The following FAM149A variants were observed in gnomAD, a reference collection of about 807,000 sequenced individuals.
FAM149A encodes the protein family with sequence similarity 149 member A, also known as protein FAM149A.
A neutral mutation model predicts 78.2 loss-of-function variants in FAM149A; 71 were observed. The ratio of observed to expected loss-of-function variants is 0.91; its 90% CI spans 0.75 to 1.11. The LOEUF is 1.11. Ranked by LOEUF, FAM149A falls within the 50% of genes least tolerant of loss-of-function variation. The probability of loss-of-function intolerance (pLI) is 0.00; values close to 1 mark genes in which losing one functional copy is unlikely to be tolerated. For missense variants in FAM149A, 1,036 were observed against 971.0 expected, an observed-to-expected ratio of 1.07 and a Z score of -0.89; for synonymous variants, 446 against 410.5, an observed-to-expected ratio of 1.09 and a Z score of -1.04.
At chr4:186,126,527 C>T (rs1162874872) in intron 1 of FAM149A, among the ~76,000 whole-genome samples, 1 of 152,162 alleles carries the variant, frequency 6.6e-6, no homozygotes, top group Admixed American at 6.5e-5. Flanking sequence ...AGAGGAAGGG[C>T]GAATTCTCTT....
At chr4:186,131,983 T>G in intron 1 of FAM149A, 1 of 985,470 alleles carries the variant, frequency 1.0e-6, no homozygotes. Context: ...TTGTATTTCT[T>G]TTTGAATGGG....
chr4:186,158,696 CTGCAGACTGCTCTGAAGG>C (rs1734274093), intron 8 of FAM149A: 2 of 989,916 alleles, frequency 2.0e-6, no homozygotes, highest in Non-Finnish European at 1.2e-6. Flanking sequence ...CAGCCTGAGG[CTGCAGACTGCTCTGAAGG>C]TGCAGGTACC....
At chr4:186,138,588 C>T (rs751899286) in intron 1 of FAM149A, among the ~76,000 whole-genome samples, 15 of 152,104 alleles carry the variant, frequency 9.9e-5, no homozygotes, top group African/African-American at 3.1e-4. Flanking sequence ...TCCTCTGATC[C>T]GAGACAGTTT....
chr4:186,124,091 G>C, intron 1 of FAM149A: 1 of 984,628 alleles, frequency 1.0e-6, no homozygotes, highest in Non-Finnish European at 1.2e-6. Context: ...CATCCCCAAA[G>C]AGGTGTATCC....
chr4:186,165,043 A>C (rs1579929753), intron 10 of FAM149A, among the ~76,000 whole-genome samples: 1 of 151,054 alleles, frequency 6.6e-6, no homozygotes, highest in African/African-American at 2.4e-5. Flanking sequence ...CCGGCTTCTC[A>C]CCCGCCTGGA....
chr4:186,149,484 G>A (rs1392964452), intron 2 of FAM149A, 82 bp from the exon 3 acceptor site: 1 of 1,215,804 alleles, frequency 8.2e-7, no homozygotes, highest in East Asian at 5.7e-5. Context: ...GAAAGAGGAA[G>A]CAGGCTCAGA....
Position 186,153,716 on chromosome 4 carries a change from C to T in FAM149A, c.1004C>T (p.Ser335Phe), listed in dbSNP as rs1322004786. 6.2e-7 allele frequency: 1 copy of T among 1,613,998 alleles called. No individual in the cohort carries two copies. The highest frequency in any genetic ancestry group is 8.5e-7 in the Non-Finnish European group (1 of 1,179,990). ...CATTTCCAGGGCAGCACTCCTGCCT[C>T]CGCAGTCCACAGACCCCCGCTCAGT... The change falls in exon 5 of 14, where the codon TCC becomes TTC. Residue 335 changes from serine (S) to phenylalanine (F), a missense_variant. Ser to Phe is a radical substitution (Grantham distance 155, BLOSUM62 -2). This residue lies in a region of FAM149A where 716 missense variants were observed against 711.8 expected (regional missense o/e 1.01). Transcript: ENST00000389354.
At chr4:186,110,671 T>G (rs1207991100) in intron 1 of FAM149A, among the ~76,000 whole-genome samples, 2 of 135,546 alleles carry the variant, frequency 1.5e-5, no homozygotes, top group African/African-American at 5.7e-5. Flanking sequence ...TGCGATAGTT[T>G]ACTGAGAATG....
At chr4:186,126,079 C>T in intron 1 of FAM149A, 1 of 985,400 alleles carries the variant, frequency 1.0e-6, no homozygotes, top group Non-Finnish European at 1.2e-6. Context: ...GATCTGGACG[C>T]TTGTTTCCAA....
chr4:186,123,150 A>G (rs1202877737), intron 1 of FAM149A: 11 of 865,938 alleles, frequency 1.3e-5, no homozygotes, highest in Non-Finnish European at 1.5e-5. Flanking sequence ...TGTGGAGTCC[A>G]GTGTTAATCC....
chr4:186,109,458 C>T (rs2099310311), intron 1 of FAM149A: 4 of 980,568 alleles, frequency 4.1e-6, no homozygotes, highest in Admixed American at 6.2e-5. Flanking sequence ...GAGGCAGCCT[C>T]CAGTGTGATG....
chr4:186,136,976 T>TCTCTCTTTCTCTCTCTCTC (rs2099323291), intron 1 of FAM149A, among the ~76,000 whole-genome samples: 3 of 72,092 alleles, frequency 4.2e-5, no homozygotes, highest in Middle Eastern at 7.7e-3. Flanking sequence ...CTCTCTCTCT[T>TCTCTCTTTCTCTCTCTCTC]TCTCTCTCTC....
intron 3 of FAM149A, 130 bp from the exon 4 acceptor site, chr4:186,151,773 C>T: frequency 6.9e-7 from 1 of 1,448,616 alleles, no homozygotes; most frequent in Admixed American, 2.3e-5. Context: ...GACTGCAAAG[C>T]CACCATCTTT....
chr4:186,140,441 C>CTTTTTTTTTTTTTTTTTTTTTTTTTT (rs67506672), intron 1 of FAM149A, among the ~76,000 whole-genome samples: 1 of 104,964 alleles, frequency 9.5e-6, no homozygotes. Flanking sequence ...ACACACCTAG[C>CTTTTTTTTTTTTTTTTTTTTTTTTTT]TTTTTTTTTT....
chr4:186,170,533 G>A (rs531362737), intron 13 of FAM149A, among the ~76,000 whole-genome samples: 6 of 152,274 alleles, frequency 3.9e-5, no homozygotes, highest in South Asian at 2.1e-4. Flanking sequence ...GCCAACCCCC[G>A]CCTAGAACCA....
rs765874447 is a variant in FAM149A at position 186,157,744 on chromosome 4, C to G, written c.1575+25C>G. ...GGTCGGTGCTTTCACACCCTTCTCC[C>G]TCTTGCCTTCACTCTGTGTGTCTGT... On this transcript the variant is annotated intron_variant, in intron 8 of 13. Coordinates refer to ENST00000389354, the MANE Select transcript of FAM149A (RefSeq NM_001367768.3). The G allele has an allele frequency of 2.5e-6, 4 of 1,589,488 alleles. No homozygotes were observed. In the African/African-American group the frequency reaches 5.4e-5, roughly 21 times the overall value.
chr4:186,144,826 G>A lies in FAM149A; in HGVS notation c.567-4347G>A. 1 of 983,374 alleles carries A rather than the reference G, an allele frequency of 1.0e-6. No homozygotes were observed. Among genetic ancestry groups the A allele is most frequent in the Non-Finnish European group, 1.2e-6 (1 of 829,022 alleles). 60.9% of individuals were successfully genotyped at this position (983,374 alleles called of 1,614,324 possible). A position where few individuals can be genotyped will look rare whatever the true frequency, so the allele number is the denominator to read the frequency against. ...CGCAGGGAGGAGGAGGGGAGGCGGC[G>A]CCGGCGCGGGCGGGGCGGAGGATCT... On this transcript the variant is annotated intron_variant, in intron 1 of 13. Transcript: ENST00000389354. This position sits in a 1 kb window ranked among gnomAD's most constrained non-coding sequence, Gnocchi z 4.2.
intron 1 of FAM149A, among the ~76,000 whole-genome samples, chr4:186,119,763 G>A (rs888010875): frequency 6.6e-6 from 1 of 152,170 alleles, no homozygotes; most frequent in Non-Finnish European, 1.5e-5. Context: ...GAAAGGTAAA[G>A]TGGGGATGTA....
chr4:186,159,527 G>T (rs575347357), intron 8 of FAM149A, among the ~76,000 whole-genome samples: 1 of 152,072 alleles, frequency 6.6e-6, no homozygotes, highest in Non-Finnish European at 1.5e-5. Flanking sequence ...ATTAGGAATC[G>T]AGAGGCCTGA....
Sources: gnomAD v4.1 joint callset for allele counts (sites outside exome capture counted in the v4.1 genomes callset) on GRCh38, gnomAD v4.1.1 for gene constraint, gnomAD v4.1.1 regional missense constraint, Gnocchi (gnomAD v3.1) non-coding constraint, MANE v1.5 for transcripts, NCBI Gene and HGNC (gene_info 2026-07-23, HGNC 2026-07-21) for gene names.